The following FIP1L1 variants were observed in gnomAD, a reference collection of about 807,000 sequenced individuals.
FIP1L1 encodes factor interacting with PAPOLA and CPSF1.
FIP1L1 carries 21 observed loss-of-function variants against 84.6 expected under a neutral mutation model. The ratio of observed to expected loss-of-function variants is 0.25; its 90% confidence interval spans 0.18 to 0.36. The LOEUF is 0.36. Ranked by LOEUF, FIP1L1 falls within the 10% of genes least tolerant of loss-of-function variation. The probability of loss-of-function intolerance (pLI) is 1.00; values close to 1 mark genes in which losing one functional copy is unlikely to be tolerated. For missense variants in FIP1L1, 526 were observed against 751.1 expected (o/e 0.70, Z 3.50); for synonymous variants, 263 against 242.3 (o/e 1.09, Z -0.80).
At chr4:53,432,904 T>C (rs1767402517) in intron 13 of FIP1L1, among the ~76,000 whole-genome samples, 1 of 152,164 alleles carries the variant, frequency 6.6e-6, no homozygotes, top group African/African-American at 2.4e-5. Context: ...ATTTCTCTGA[T>C]GTTGAAGTAC....
At chr4:53,429,139 C>T (rs1765510650) in intron 13 of FIP1L1, among the ~76,000 whole-genome samples, 1 of 152,188 alleles carries the variant, frequency 6.6e-6, no homozygotes, top group Admixed American at 6.5e-5. Context: ...ATGTCAGCCA[C>T]TGCTTCTGTC....
chr4:53,413,131 C>G (rs939564552), intron 10 of FIP1L1, among the ~76,000 whole-genome samples: 3 of 151,514 alleles, frequency 2.0e-5, no homozygotes, highest in African/African-American at 7.3e-5. Context: ...TTCAAACTTG[C>G]TCTGTGACCT....
Position 53,416,023 on chromosome 4 carries a change from C to T in FIP1L1, c.923+1301C>T, listed in dbSNP as rs115354654. Among the ~76,000 whole-genome samples the T allele has an allele frequency of 5.3e-3, 801 of 152,140 alleles. 8 individuals carry two copies. Among genetic ancestry groups the T allele is most frequent in the African/African-American group, 0.018 (743 of 41,520 alleles). The stretch of plus-strand genomic sequence containing the variant: ...ATCTTTGTTTTCGAACACTAAAATT[C>T]TATTTGAAAAACCAGTAGAAATTTC... On this transcript the variant is annotated intron_variant, in intron 11 of 17. Transcript: ENST00000337488.
chr4:53,383,459 C>T (rs1163895389), intron 4 of FIP1L1, among the ~76,000 whole-genome samples: 2 of 152,040 alleles, frequency 1.3e-5, no homozygotes, highest in Non-Finnish European at 1.5e-5. Context: ...GTCAGGAGTT[C>T]GAGGCCAGCC....
Position 53,452,904 on chromosome 4 carries a change from C to A in FIP1L1, c.1286-16C>A. 6.2e-7 allele frequency: 1 copy of A among 1,607,116 alleles called. No individual in the cohort carries two copies. Among genetic ancestry groups the A allele is most frequent in the Non-Finnish European group, 8.5e-7 (1 of 1,176,088 alleles). ...AAGTACCATAACGTTTGTTTTTAAT[C>A]GTGTTTTTTCTTTAGTTGCCTTTCC... On this transcript the variant is annotated splice_polypyrimidine_tract_variant and intron_variant, in intron 15 of 17. Transcript: ENST00000337488.
intron 3 of FIP1L1, among the ~76,000 whole-genome samples, chr4:53,380,544 A>T (rs1283867975): frequency 6.6e-6 from 1 of 152,210 alleles, no homozygotes; most frequent in Non-Finnish European, 1.5e-5. Flanking sequence ...ATTGTATAAT[A>T]TGTGAATTGC....
At chr4:53,408,328 T>C (rs562670576) in intron 10 of FIP1L1, among the ~76,000 whole-genome samples, 1 of 152,326 alleles carries the variant, frequency 6.6e-6, no homozygotes, top group Non-Finnish European at 1.5e-5. Context: ...TGGCCCCCAC[T>C]CTCTTCTGGC....
At chr4:53,431,460 A>G (rs779627871) in intron 13 of FIP1L1, among the ~76,000 whole-genome samples, 6 of 152,238 alleles carry the variant, frequency 3.9e-5, no homozygotes, top group Non-Finnish European at 5.9e-5. Context: ...GAAAATGGAA[A>G]AACATTTTTT....
At chr4:53,412,636 C>CT (rs1757718915) in intron 10 of FIP1L1, among the ~76,000 whole-genome samples, 1 of 151,986 alleles carries the variant, frequency 6.6e-6, no homozygotes, top group Admixed American at 6.6e-5. Flanking sequence ...ATGTACCCTT[C>CT]TCAGTGTATT....
intron 13 of FIP1L1, among the ~76,000 whole-genome samples, chr4:53,432,287 A>G (rs1442130748): frequency 6.7e-6 from 1 of 150,284 alleles, no homozygotes; most frequent in Non-Finnish European, 1.5e-5. Context: ...AGTCCTGGCT[A>G]CTTAGGAGGC....
intron 11 of FIP1L1, 107 bp from the exon 12 acceptor site, chr4:53,425,765 T>G: frequency 1.3e-6 from 1 of 767,362 alleles, no homozygotes; most frequent in South Asian, 1.9e-5. Flanking sequence ...TCTGGTTTTA[T>G]TTTAAAATTT....
At chr4:53,410,738 G>C (rs1756797999) in intron 10 of FIP1L1, among the ~76,000 whole-genome samples, 1 of 152,112 alleles carries the variant, frequency 6.6e-6, no homozygotes, top group African/African-American at 2.4e-5. Context: ...TCAAACTGCA[G>C]ATCCCAAAAG....
intron 11 of FIP1L1, among the ~76,000 whole-genome samples, chr4:53,420,429 CA>C (rs35693633): frequency 0.04 from 3,662 of 91,560 alleles, 146 homozygotes; most frequent in African/African-American, 0.15. Context: ...AACTCCATCT[CA>C]AAAAAAAAAA....
intron 6 of FIP1L1, among the ~76,000 whole-genome samples, chr4:53,390,308 T>C (rs1307357636): frequency 6.6e-6 from 1 of 152,192 alleles, no homozygotes; most frequent in Non-Finnish European, 1.5e-5. Context: ...AAAGTTTTTC[T>C]GGCAAGAGTC....
At chr4:53,432,067 C>T (rs1043080810) in intron 13 of FIP1L1, among the ~76,000 whole-genome samples, 19 of 151,958 alleles carry the variant, frequency 1.3e-4, no homozygotes, top group Non-Finnish European at 2.4e-4. Flanking sequence ...AAGCATTTAT[C>T]GTGGTTCCCT....
chr4:53,386,147 A>ACCTATCT (rs1172747906), intron 5 of FIP1L1, among the ~76,000 whole-genome samples: 1 of 151,998 alleles, frequency 6.6e-6, no homozygotes, highest in Admixed American at 6.6e-5. Context: ...CTTGGAAAGT[A>ACCTATCT]GTTTGTTACC....
chr4:53,435,825 A>T (rs1430880976), intron 13 of FIP1L1, among the ~76,000 whole-genome samples: 1 of 77,436 alleles, frequency 1.3e-5, no homozygotes, highest in African/African-American at 4.5e-5. Flanking sequence ...GAGATGATAC[A>T]CGTGTGTGTG....
chr4:53,426,020 A>G, intron 12 of FIP1L1, 55 bp downstream of exon 12: 1 of 1,236,584 alleles, frequency 8.1e-7, no homozygotes, highest in Non-Finnish European at 1.2e-6. Context: ...TATCAACATT[A>G]TAATTTAATT....
At chr4:53,452,288 A>G (rs1051888912) in intron 15 of FIP1L1, among the ~76,000 whole-genome samples, 1 of 149,832 alleles carries the variant, frequency 6.7e-6, no homozygotes, top group Non-Finnish European at 1.5e-5. Context: ...TGTTGAGTAC[A>G]CTTTTCTAGG....
Sources: allele counts gnomAD v4.1 joint callset (sites outside exome capture counted in the v4.1 genomes callset), GRCh38; gene constraint gnomAD v4.1.1; transcripts MANE v1.5; gene names NCBI Gene and HGNC (gene_info 2026-07-23, HGNC 2026-07-21).